The following LSAMP variants were observed in gnomAD, a reference collection of about 807,000 sequenced individuals.
LSAMP encodes the protein limbic system associated membrane protein, also known as limbic system-associated membrane protein.
Under a neutral mutation model 38.6 loss-of-function variants are expected in LSAMP, and 7 were observed. That is an observed-to-expected ratio of 0.18 (90% CI 0.10 to 0.34). The LOEUF is 0.34. Ranked by LOEUF, LSAMP falls within the 10% of genes least tolerant of loss-of-function variation. The probability of loss-of-function intolerance (pLI) is 1.00; values close to 1 mark genes in which losing one functional copy is unlikely to be tolerated. For missense variants in LSAMP, 313 were observed against 420.0 expected, an observed-to-expected ratio of 0.75 and a Z score of 2.23; for synonymous variants, 154 against 166.8, an observed-to-expected ratio of 0.92 and a Z score of 0.59.
At chr3:116,436,983 ATATATATATGCATATATATATATGTG>A (rs2049359690) in intron 1 of LSAMP, among the ~76,000 whole-genome samples, 2 of 151,064 alleles carry the variant, frequency 1.3e-5, no homozygotes, top group Admixed American at 6.6e-5. Context: ...AGTGTGGCAT[ATATATATATGCATATATATATATGTG>A]TATATATATG....
At chr3:116,208,467 G>T (rs1438283927) in intron 1 of LSAMP, among the ~76,000 whole-genome samples, 2 of 152,228 alleles carry the variant, frequency 1.3e-5, no homozygotes, top group African/African-American at 2.4e-5. Context: ...TTTGGAGGAG[G>T]AGAAGCGCTC....
intron 3 of LSAMP, among the ~76,000 whole-genome samples, chr3:116,018,749 A>G (rs2107686005): frequency 6.6e-6 from 1 of 152,266 alleles, no homozygotes; most frequent in African/African-American, 2.4e-5. Flanking sequence ...AAAAGTTCAA[A>G]AAGCAGGAGG....
chr3:115,863,656 C>T (rs1468073482), intron 3 of LSAMP, among the ~76,000 whole-genome samples: 7 of 151,698 alleles, frequency 4.6e-5, no homozygotes, highest in African/African-American at 9.7e-5. Context: ...TCAGGAGGCC[C>T]AGAAGTGTGC....
chr3:116,048,490 C>T (rs1264322519), intron 2 of LSAMP, among the ~76,000 whole-genome samples: 1 of 152,192 alleles, frequency 6.6e-6, no homozygotes, highest in South Asian at 2.1e-4. Flanking sequence ...TATAGTGTGA[C>T]TTAGCTATGG....
intron 3 of LSAMP, among the ~76,000 whole-genome samples, chr3:115,857,559 T>C (rs1425925609): frequency 6.6e-6 from 1 of 152,220 alleles, no homozygotes; most frequent in Non-Finnish European, 1.5e-5. Flanking sequence ...AGTATTTTGG[T>C]ATTTTAAACA....
rs190537503 is a variant in LSAMP, at chr3:116,385,138, G to A, written c.155+59739C>T. ...ACACAAAACCAAAGAGAAAGAAGGC[G>A]AAAAGGAAACGCTATGTTTATATGA... On this transcript the variant is annotated intron_variant, in intron 1 of 6. Transcript: ENST00000490035. Among the ~76,000 whole-genome samples the A allele has an allele frequency of 1.8e-4, 28 of 151,442 alleles. 1 individual carries two copies. The highest frequency in any genetic ancestry group is 1.1e-3 in the Admixed American group (16 of 15,218).
chr3:116,426,483 GAACTC>G (rs2049198327), intron 1 of LSAMP, among the ~76,000 whole-genome samples: 1 of 99,884 alleles, frequency 1.0e-5, no homozygotes, highest in African/African-American at 3.7e-5. Context: ...AAAAAAAAAA[GAACTC>G]AACACATGAA....
At chr3:116,157,860 C>T (rs1267509136) in intron 1 of LSAMP, among the ~76,000 whole-genome samples, 1 of 151,890 alleles carries the variant, frequency 6.6e-6, no homozygotes, top group Admixed American at 6.6e-5. Context: ...TAGAATGAGA[C>T]CAGAATTATC....
chr3:116,251,391 C>T (rs925172140), intron 1 of LSAMP, among the ~76,000 whole-genome samples: 3 of 152,112 alleles, frequency 2.0e-5, no homozygotes, highest in Non-Finnish European at 2.9e-5. Context: ...GAAAGTACCT[C>T]AATACCAAGA....
intron 1 of LSAMP, among the ~76,000 whole-genome samples, chr3:116,192,363 A>T (rs575843154): frequency 6.6e-6 from 1 of 152,300 alleles, no homozygotes. Context: ...TAAATCCTAG[A>T]GCTCCATCTA....
intron 3 of LSAMP, among the ~76,000 whole-genome samples, chr3:115,886,515 T>C (rs762141770): frequency 1.2e-4 from 18 of 151,952 alleles, no homozygotes; most frequent in Non-Finnish European, 2.4e-4. Context: ...AGTTCCAAAA[T>C]TCCAAAACTC....
At chr3:116,397,857 AC>A (rs919382917) in intron 1 of LSAMP, among the ~76,000 whole-genome samples, 1 of 152,058 alleles carries the variant, frequency 6.6e-6, no homozygotes. Flanking sequence ...GCCATTGGTT[AC>A]CTGTGTAACC....
intron 1 of LSAMP, among the ~76,000 whole-genome samples, chr3:116,310,908 T>C (rs2047548880): frequency 1.1e-5 from 1 of 92,390 alleles, no homozygotes; most frequent in Non-Finnish European, 2.2e-5. Flanking sequence ...AAGATGATGA[T>C]AAGTTGTTTT....
At chr3:116,118,487 C>A (rs1220629748) in intron 1 of LSAMP, among the ~76,000 whole-genome samples, 1 of 152,158 alleles carries the variant, frequency 6.6e-6, no homozygotes, top group Admixed American at 6.5e-5. Context: ...TTGCTGTGCT[C>A]TTCTGTCTTG....
chr3:116,306,813 G>A (rs948496243), intron 1 of LSAMP, among the ~76,000 whole-genome samples: 1 of 152,010 alleles, frequency 6.6e-6, no homozygotes, highest in Non-Finnish European at 1.5e-5. Flanking sequence ...CAATAAAGGG[G>A]TATAACTATA....
chr3:115,955,639 A>C (rs1356429233), intron 3 of LSAMP, among the ~76,000 whole-genome samples: 1 of 152,188 alleles, frequency 6.6e-6, no homozygotes, highest in Non-Finnish European at 1.5e-5. Context: ...CTAGCCCAGC[A>C]GGTAGTTGTG....
chr3:116,317,890 C>T (rs570937829), intron 1 of LSAMP, among the ~76,000 whole-genome samples: 68 of 151,622 alleles, frequency 4.5e-4, no homozygotes, highest in South Asian at 2.9e-3. Context: ...AATCCCAACA[C>T]TTTGGGAGGC....
At chr3:115,866,039 GCTT>G (rs1935848704) in intron 3 of LSAMP, among the ~76,000 whole-genome samples, 3 of 152,180 alleles carry the variant, frequency 2.0e-5, no homozygotes, top group South Asian at 4.2e-4. Context: ...ATCTATATAG[GCTT>G]CTTCTTTTCT....
At position 116,118,191 on chromosome 3, in the gene LSAMP, G is replaced by T. The variant is rs150875282; in HGVS notation, c.156-31635C>A. ...TCTCCAGAGAATGAACCTAAATTAG[G>T]GAGAGTCAGCCACAGGCATGGGAAG... On this transcript the variant is annotated intron_variant, in intron 1 of 6. Transcript: ENST00000490035. Among the ~76,000 whole-genome samples the T allele has an allele frequency of 2.3e-3, 347 of 152,120 alleles. 1 individual carries two copies. The highest frequency in any genetic ancestry group is 7.5e-3 in the African/African-American group (310 of 41,500).
Sources: gnomAD v4.1 joint callset for allele counts (sites outside exome capture counted in the v4.1 genomes callset) on GRCh38, gnomAD v4.1.1 for gene constraint, MANE v1.5 for transcripts, NCBI Gene and HGNC (gene_info 2026-07-23, HGNC 2026-07-21) for gene names.